Variants in SLC35F4 observed in about 807,000 individuals in gnomAD.
The protein encoded by SLC35F4 is chromosome 14 open reading frame 36.
In SLC35F4, 24 loss-of-function variants were observed where a neutral mutation model predicts 44.2. The ratio of observed to expected loss-of-function variants is 0.54; its 90% CI spans 0.39 to 0.76. The LOEUF (loss-of-function observed/expected upper bound fraction) is 0.76, where lower values mean the gene tolerates loss of function less well. SLC35F4 is among the 30% of genes least tolerant of loss of function. The pLI, the probability that SLC35F4 is intolerant of heterozygous loss-of-function variation, is 0.00. For missense variants in SLC35F4, 562 were observed against 586.1 expected (o/e 0.96, Z 0.42); for synonymous variants, 238 against 223.6 (o/e 1.06, Z -0.57).
At chr14:57,588,329 C>T (rs1409862335) in intron 3 of SLC35F4, among the ~76,000 whole-genome samples, 2 of 151,746 alleles carry the variant, frequency 1.3e-5, no homozygotes, top group Non-Finnish European at 2.9e-5. Flanking sequence ...GAGAACTCTT[C>T]TTCCATCTGC....
At chr14:57,644,560 A>G (rs1480301060) in intron 1 of SLC35F4, among the ~76,000 whole-genome samples, 1 of 151,506 alleles carries the variant, frequency 6.6e-6, no homozygotes, top group Middle Eastern at 3.2e-3. Context: ...CCCATTCTGT[A>G]GGTTGCCTGT....
chr14:57,906,544 A>C (rs1181143821), intron 1 of SLC35F4, among the ~76,000 whole-genome samples: 1 of 152,236 alleles, frequency 6.6e-6, no homozygotes, highest in African/African-American at 2.4e-5. Flanking sequence ...TCTTTGTACA[A>C]ATATCCTTAC....
At chr14:57,836,526 C>T (rs1884945099) in intron 1 of SLC35F4, among the ~76,000 whole-genome samples, 1 of 152,040 alleles carries the variant, frequency 6.6e-6, no homozygotes, top group African/African-American at 2.4e-5. Flanking sequence ...CTCCTAAGCT[C>T]GTGATCCGCC....
At chr14:57,653,725 G>C (rs990064426) in intron 1 of SLC35F4, among the ~76,000 whole-genome samples, 1 of 152,208 alleles carries the variant, frequency 6.6e-6, no homozygotes, top group Non-Finnish European at 1.5e-5. Flanking sequence ...ATGTGCAGAA[G>C]AGAGATCCTG....
chr14:57,738,340 G>A (rs1016511132), intron 1 of SLC35F4, among the ~76,000 whole-genome samples: 4 of 152,100 alleles, frequency 2.6e-5, no homozygotes, highest in South Asian at 4.1e-4. Flanking sequence ...GCTAAGACAC[G>A]CTTTCTTCTA....
chr14:57,910,465 G>A (rs1375759100), intron 1 of SLC35F4, among the ~76,000 whole-genome samples: 1 of 152,020 alleles, frequency 6.6e-6, no homozygotes, highest in Admixed American at 6.6e-5. Context: ...CTATTTTGAA[G>A]TAATTTTTAT....
chr14:57,846,782 C>G (rs1357675721), intron 1 of SLC35F4, among the ~76,000 whole-genome samples: 1 of 152,166 alleles, frequency 6.6e-6, no homozygotes, highest in African/African-American at 2.4e-5. Context: ...AGAAATGCAT[C>G]AGAGTGAGAT....
chr14:57,894,031 A>G (rs1888824845), intron 1 of SLC35F4, among the ~76,000 whole-genome samples: 1 of 152,146 alleles, frequency 6.6e-6, no homozygotes, highest in Non-Finnish European at 1.5e-5. Context: ...TCCCTGCATT[A>G]ATTTGCCAAA....
chr14:57,763,034 C>T (rs2077160193), intron 1 of SLC35F4, among the ~76,000 whole-genome samples: 1 of 152,094 alleles, frequency 6.6e-6, no homozygotes, highest in Admixed American at 6.6e-5. Context: ...AGAACATTAA[C>T]CAATTTTAAA....
intron 6 of SLC35F4, among the ~76,000 whole-genome samples, chr14:57,568,557 G>A (rs541910715): frequency 6.6e-6 from 1 of 152,306 alleles, no homozygotes; most frequent in East Asian, 1.9e-4. Context: ...TTGAAAAGTA[G>A]AACTCAAGGG....
intron 1 of SLC35F4, among the ~76,000 whole-genome samples, chr14:57,622,606 G>A (rs2072245183): frequency 9.3e-6 from 1 of 107,106 alleles, no homozygotes; most frequent in African/African-American, 2.7e-5. Context: ...ACTCATAGGT[G>A]GGAATTGAAC....
chr14:57,892,240 C>T (rs1490202808), intron 1 of SLC35F4, among the ~76,000 whole-genome samples: 3 of 152,134 alleles, frequency 2.0e-5, no homozygotes, highest in African/African-American at 7.2e-5. Flanking sequence ...TTCACAATGC[C>T]ATATTGCAGG....
intron 1 of SLC35F4, among the ~76,000 whole-genome samples, chr14:57,958,739 C>T (rs758833262): frequency 1.8e-4 from 28 of 152,260 alleles, no homozygotes; most frequent in African/African-American, 6.5e-4. Context: ...CAATACCAAG[C>T]GCTGAGTAGG....
intron 1 of SLC35F4, among the ~76,000 whole-genome samples, chr14:57,710,155 T>A (rs910060394): frequency 8.5e-5 from 13 of 152,226 alleles, no homozygotes; most frequent in Admixed American, 2.6e-4. Flanking sequence ...AGACATGGTG[T>A]CCTGTGTCCC....
intron 1 of SLC35F4, among the ~76,000 whole-genome samples, chr14:57,673,967 CTT>C (rs1026632700): frequency 6.6e-6 from 1 of 152,006 alleles, no homozygotes; most frequent in African/African-American, 2.4e-5. Flanking sequence ...TGAATAAACA[CTT>C]TATAAAATAA....
At chr14:57,758,497 C>A (rs1050139816) in intron 1 of SLC35F4, among the ~76,000 whole-genome samples, 4 of 151,904 alleles carry the variant, frequency 2.6e-5, no homozygotes, top group African/African-American at 9.7e-5. Flanking sequence ...TTATAGTTTT[C>A]TCTATGATTT....
At chr14:57,828,694 C>A (rs1401096457) in intron 1 of SLC35F4, among the ~76,000 whole-genome samples, 2 of 152,144 alleles carry the variant, frequency 1.3e-5, no homozygotes, top group Non-Finnish European at 2.9e-5. Flanking sequence ...TCTCAGTGGC[C>A]AGCTCATTCC....
intron 1 of SLC35F4, among the ~76,000 whole-genome samples, chr14:57,918,918 C>T (rs1889385385): frequency 6.6e-6 from 1 of 152,210 alleles, no homozygotes. Flanking sequence ...ACAGAAACTG[C>T]TGGCTAACAC....
At chr14:57,746,319 G>A (rs2076753215) in intron 1 of SLC35F4, among the ~76,000 whole-genome samples, 1 of 152,048 alleles carries the variant, frequency 6.6e-6, no homozygotes, top group Admixed American at 6.6e-5. Flanking sequence ...TAATCAGGTT[G>A]ATAAAGTCCC....
Sources: gnomAD v4.1 joint callset for allele counts (sites outside exome capture counted in the v4.1 genomes callset) on GRCh38, gnomAD v4.1.1 for gene constraint, MANE v1.5 for transcripts, NCBI Gene and HGNC (gene_info 2026-07-23, HGNC 2026-07-21) for gene names.